Variants in GRID2 observed in about 807,000 individuals in gnomAD.
The protein encoded by GRID2 is glutamate ionotropic receptor delta type subunit 2, also known as glutamate receptor ionotropic, delta-2.
A neutral mutation model predicts 114.8 loss-of-function variants in GRID2; 33 were observed. That is an observed-to-expected ratio of 0.29 (90% CI 0.22 to 0.38). GRID2 has a LOEUF of 0.38. Ranked by LOEUF, GRID2 falls within the 10% of genes least tolerant of loss-of-function variation. The pLI is 1.00. For missense variants in GRID2, 1,184 were observed against 1,257.7 expected (o/e 0.94, Z 0.89); for synonymous variants, 505 against 449.9 (o/e 1.12, Z -1.55).
At chr4:93,744,340 C>T (rs1375200523) in intron 14 of GRID2, among the ~76,000 whole-genome samples, 4 of 152,156 alleles carry the variant, frequency 2.6e-5, no homozygotes, top group African/African-American at 9.7e-5. Flanking sequence ...AATTGAAAAA[C>T]CTTCTGGAAA....
At chr4:93,512,216 A>G (rs1178718566) in intron 12 of GRID2, among the ~76,000 whole-genome samples, 1 of 152,214 alleles carries the variant, frequency 6.6e-6, no homozygotes, top group Non-Finnish European at 1.5e-5. Flanking sequence ...TACATTTTAA[A>G]ACAATGATTA....
rs1339412967 is a variant in GRID2 at position 92,868,078 on chromosome 4, GTCTGTCTGTCTT to G, written c.245-216913_245-216902del. 5.4e-3 allele frequency among the ~76,000 whole-genome samples: 740 copies of G among 137,492 alleles called. 15 individuals carry two copies. The highest frequency in any genetic ancestry group is 0.019 in the African/African-American group (696 of 36,100). The allele number at this position is 137,492 out of a possible 152,430, so 90.2% of individuals were successfully genotyped here. A position where few individuals can be genotyped will look rare whatever the true frequency, so the allele number is the denominator to read the frequency against. ...TTTCTTTCTTTCTTTCTGTCTGTCT[GTCTGTCTGTCTT>G]TCTTTCTTTCTCTTTCTTTCTTTTT... On this transcript the variant is annotated intron_variant, in intron 2 of 15. Transcript: ENST00000282020.
intron 2 of GRID2, among the ~76,000 whole-genome samples, chr4:92,686,735 T>G (rs1341217625): frequency 6.6e-6 from 1 of 152,008 alleles, no homozygotes; most frequent in Non-Finnish European, 1.5e-5. Flanking sequence ...TTTATAAGAA[T>G]TAGTAATTTA....
At chr4:92,994,988 T>C (rs1227929758) in intron 2 of GRID2, among the ~76,000 whole-genome samples, 5 of 149,974 alleles carry the variant, frequency 3.3e-5, no homozygotes, top group African/African-American at 1.2e-4. Flanking sequence ...CAAACATGTA[T>C]TTTTTTTTTC....
In GRID2 at chr4:93,373,237, C is replaced by G. The variant is rs144566500; in HGVS notation, c.1246-22370C>G. Among the ~76,000 whole-genome samples, 250 of 152,208 alleles carry G rather than the reference C, an allele frequency of 1.6e-3. 2 individuals carry two copies. Among genetic ancestry groups the G allele is most frequent in the African/African-American group, 5.8e-3 (243 of 41,562 alleles). ...ATATGTTTTTGCTTGTGCTGTTCCT[C>G]AAACTAGAATTTTTCTGCCATCTTT... On this transcript the variant is annotated intron_variant, in intron 8 of 15. Coordinates refer to ENST00000282020, the MANE Select transcript of GRID2 (RefSeq NM_001510.4).
chr4:92,973,699 ATAAT>A (rs1311565211), intron 2 of GRID2, among the ~76,000 whole-genome samples: 1 of 152,192 alleles, frequency 6.6e-6, no homozygotes, highest in African/African-American at 2.4e-5. Context: ...GTAAACTGTG[ATAAT>A]TAGTTACTTC....
At chr4:93,729,826 C>T (rs953086998) in intron 14 of GRID2, among the ~76,000 whole-genome samples, 3 of 152,084 alleles carry the variant, frequency 2.0e-5, no homozygotes, top group Non-Finnish European at 2.9e-5. Context: ...GTACTTACTG[C>T]GTAACACTCT....
chr4:92,547,286 C>T (rs1487367741), intron 1 of GRID2, among the ~76,000 whole-genome samples: 1 of 151,988 alleles, frequency 6.6e-6, no homozygotes, highest in African/African-American at 2.4e-5. Flanking sequence ...ATTAGCTTAC[C>T]TTACTGAAGA....
chr4:92,415,269 T>A (rs1366952173), intron 1 of GRID2, among the ~76,000 whole-genome samples: 3 of 152,086 alleles, frequency 2.0e-5, no homozygotes, highest in Non-Finnish European at 4.4e-5. Context: ...TCTGTAGAGA[T>A]AATTACATTA....
chr4:93,153,921 C>T (rs940885051), intron 4 of GRID2, among the ~76,000 whole-genome samples: 1 of 152,052 alleles, frequency 6.6e-6, no homozygotes, highest in Non-Finnish European at 1.5e-5. Flanking sequence ...TTATTATCCA[C>T]AGGCACAATG....
rs1448298552 is a variant in GRID2 at position 93,357,911 on chromosome 4, A to G, written c.1246-37696A>G. 2.0e-5 allele frequency among the ~76,000 whole-genome samples: 3 copies of G among 151,816 alleles called. 1 individual carries two copies. Among genetic ancestry groups the G allele is most frequent in the South Asian group, 4.1e-4 (2 of 4,834 alleles). Reference sequence around the variant, plus strand: ...ATTGACCTATTTTGATGCAAATCATATAAAGTTTTTACTGCAGAAACTTTG... The same window carrying G: ...ATTGACCTATTTTGATGCAAATCATGTAAAGTTTTTACTGCAGAAACTTTG... On this transcript the variant is annotated intron_variant, in intron 8 of 15. Transcript: ENST00000282020.
rs537079907 is a variant in GRID2, at chr4:92,629,233, G to T, written c.244+38947G>T. ...TTTCTCGTATGTATGCCAAGAAAAA[G>T]GTCAGTCCTATGTCCTCAGATATGC... On this transcript the variant is annotated intron_variant, in intron 2 of 15. Transcript: ENST00000282020. Among the ~76,000 whole-genome samples, 14 of 151,954 alleles carry T rather than the reference G, an allele frequency of 9.2e-5. No individual in the cohort carries two copies. In the South Asian group the frequency reaches 2.9e-3, roughly 32 times the overall value.
At chr4:92,723,524 A>G (rs1484807145) in intron 2 of GRID2, among the ~76,000 whole-genome samples, 1 of 152,160 alleles carries the variant, frequency 6.6e-6, no homozygotes, top group Non-Finnish European at 1.5e-5. Flanking sequence ...CTTGACAGAA[A>G]TATGTCTTTT....
At chr4:93,654,431 T>C (rs1014123150) in intron 14 of GRID2, among the ~76,000 whole-genome samples, 2 of 152,208 alleles carry the variant, frequency 1.3e-5, no homozygotes, top group Non-Finnish European at 1.5e-5. Flanking sequence ...TCCATTTGTA[T>C]GCATTTATTC....
At chr4:93,606,259 T>A (rs1296578992) in intron 13 of GRID2, among the ~76,000 whole-genome samples, 6 of 149,830 alleles carry the variant, frequency 4.0e-5, no homozygotes, top group African/African-American at 1.5e-4. Context: ...AAAGAGAGAG[T>A]CTGACTCAAA....
intron 4 of GRID2, among the ~76,000 whole-genome samples, chr4:93,162,531 A>G (rs1045070470): frequency 6.6e-6 from 1 of 151,884 alleles, no homozygotes; most frequent in African/African-American, 2.4e-5. Context: ...GTGTTTGTAT[A>G]TTCCTTTTTA....
intron 13 of GRID2, among the ~76,000 whole-genome samples, chr4:93,555,877 G>T (rs1734269143): frequency 6.6e-6 from 1 of 152,170 alleles, no homozygotes. Context: ...CATCTGGCAG[G>T]TGTCCCTCTG....
At chr4:93,627,808 A>G (rs987369330) in intron 14 of GRID2, among the ~76,000 whole-genome samples, 1 of 152,226 alleles carries the variant, frequency 6.6e-6, no homozygotes, top group African/African-American at 2.4e-5. Context: ...AAACCAAAGC[A>G]AGTCTCATGG....
rs574389894 is a variant in GRID2, at chr4:92,651,347, C to T, written c.244+61061C>T. Among the ~76,000 whole-genome samples, 186 of 152,080 alleles carry T rather than the reference C, an allele frequency of 1.2e-3. 1 individual carries two copies. The highest frequency in any genetic ancestry group is 4.4e-3 in the African/African-American group (182 of 41,508). ...ATTGCGTATACAACAGTGGTCATAG[C>T]CTGGTCAGCCTTGATGAGTGGAAGT... On this transcript the variant is annotated intron_variant, in intron 2 of 15. Coordinates refer to ENST00000282020, the MANE Select transcript of GRID2 (RefSeq NM_001510.4).
Sources: allele counts gnomAD v4.1 joint callset (sites outside exome capture counted in the v4.1 genomes callset), GRCh38; gene constraint gnomAD v4.1.1; transcripts MANE v1.5; gene names NCBI Gene and HGNC (gene_info 2026-07-23, HGNC 2026-07-21).